The following GRIN2A variants were observed in gnomAD, a reference collection of about 807,000 sequenced individuals.
GRIN2A encodes glutamate receptor ionotropic, NMDA 2A.
A neutral mutation model predicts 113.4 loss-of-function variants in GRIN2A; 22 were observed. The observed-to-expected ratio is 0.19, with a 90% CI of 0.14 to 0.28. The LOEUF is 0.28. GRIN2A is among the 10% of genes least tolerant of loss of function. GRIN2A has a pLI of 1.00. For synonymous variants in GRIN2A, 827 were observed against 738.4 expected (o/e 1.12, Z -1.94); for missense variants, 1,502 against 1,887.0 (o/e 0.80, Z 3.78).
intron 2 of GRIN2A, among the ~76,000 whole-genome samples, chr16:9,944,269 A>C (rs576873322): frequency 6.6e-6 from 1 of 152,190 alleles, no homozygotes; most frequent in Admixed American, 6.5e-5. Context: ...GAGCATTTCA[A>C]CATATTTTAT....
In GRIN2A at chr16:9,865,560, C is replaced by T. The variant is rs546503638; in HGVS notation, c.1123-15599G>A. ...CACATCAAAACCTTTCAAACTCACA[C>T]AAATTATAGCCAAAAGCAGAATCTC... On this transcript the variant is annotated intron_variant, in intron 4 of 12. Coordinates refer to ENST00000330684, the MANE Select transcript of GRIN2A (RefSeq NM_001134407.3). 4.6e-5 allele frequency among the ~76,000 whole-genome samples: 7 copies of T among 152,324 alleles called. No homozygotes were observed. The South Asian group carries it at 1.4e-3, about 32-fold the overall frequency.
intron 10 of GRIN2A, among the ~76,000 whole-genome samples, chr16:9,814,801 C>T (rs1382126843): frequency 6.6e-6 from 1 of 152,132 alleles, no homozygotes; most frequent in Non-Finnish European, 1.5e-5. Flanking sequence ...AGGTGGATCA[C>T]CTGATGTCGG....
At chr16:9,934,451 C>T (rs768970240) in intron 3 of GRIN2A, among the ~76,000 whole-genome samples, 3 of 151,910 alleles carry the variant, frequency 2.0e-5, no homozygotes, top group South Asian at 4.2e-4. Context: ...GAGGCCAAGG[C>T]GGGTGGATCA....
intron 2 of GRIN2A, among the ~76,000 whole-genome samples, chr16:10,129,598 A>C (rs2197778): frequency 0.87 from 132,872 of 152,090 alleles, 58,274 homozygotes; most frequent in East Asian, 1. Flanking sequence ...CGGAACAACA[A>C]GTGCAAAGGT....
At chr16:9,944,262 C>A (rs1295880861) in intron 2 of GRIN2A, among the ~76,000 whole-genome samples, 1 of 152,182 alleles carries the variant, frequency 6.6e-6, no homozygotes, top group African/African-American at 2.4e-5. Flanking sequence ...ATCAACTGAG[C>A]ATTTCAACAT....
At chr16:10,148,467 G>A (rs749697463) in intron 2 of GRIN2A, among the ~76,000 whole-genome samples, 2 of 152,076 alleles carry the variant, frequency 1.3e-5, no homozygotes, top group African/African-American at 4.8e-5. Context: ...TCTAAATGCC[G>A]ACAGCTGCAC....
chr16:10,131,914 T>G (rs2049072091), intron 2 of GRIN2A, among the ~76,000 whole-genome samples: 1 of 152,226 alleles, frequency 6.6e-6, no homozygotes, highest in Non-Finnish European at 1.5e-5. Context: ...ATTTTACTTA[T>G]GAGCGCTTAT....
chr16:10,005,302 G>T (rs1294190541), intron 2 of GRIN2A, among the ~76,000 whole-genome samples: 1 of 152,190 alleles, frequency 6.6e-6, no homozygotes, highest in Non-Finnish European at 1.5e-5. Flanking sequence ...ACCCTTAAAA[G>T]TTGATTTCTC....
At chr16:9,973,449 A>G (rs2045713559) in intron 2 of GRIN2A, among the ~76,000 whole-genome samples, 1 of 152,186 alleles carries the variant, frequency 6.6e-6, no homozygotes, top group Non-Finnish European at 1.5e-5. Flanking sequence ...TCTCAGTTAT[A>G]ATTTTTGCAA....
intron 2 of GRIN2A, among the ~76,000 whole-genome samples, chr16:10,049,632 G>A (rs1283586919): frequency 6.6e-6 from 1 of 152,150 alleles, no homozygotes; most frequent in Non-Finnish European, 1.5e-5. Flanking sequence ...ACCCGCCTTG[G>A]CCTCCCAAAG....
chr16:10,123,307 C>T (rs189233346), intron 2 of GRIN2A, among the ~76,000 whole-genome samples: 1 of 152,308 alleles, frequency 6.6e-6, no homozygotes, highest in African/African-American at 2.4e-5. Context: ...AATACTATGT[C>T]AACAACATCC....
At chr16:10,021,374 A>T (rs2046717901) in intron 2 of GRIN2A, among the ~76,000 whole-genome samples, 1 of 152,198 alleles carries the variant, frequency 6.6e-6, no homozygotes, top group African/African-American at 2.4e-5. Flanking sequence ...AGCAGAGGAA[A>T]ATGACGCCCA....
chr16:10,177,726 ACTTT>A (rs2050177447), intron 2 of GRIN2A, among the ~76,000 whole-genome samples: 1 of 152,110 alleles, frequency 6.6e-6, no homozygotes, highest in Non-Finnish European at 1.5e-5. Flanking sequence ...ACTTCTCAAA[ACTTT>A]CTTTCTAATG....
intron 10 of GRIN2A, among the ~76,000 whole-genome samples, chr16:9,807,460 A>C (rs2042005920): frequency 6.6e-6 from 1 of 151,744 alleles, no homozygotes; most frequent in Non-Finnish European, 1.5e-5. Context: ...AGAGAGAAAG[A>C]GAAAGAATAC....
chr16:10,114,916 T>C lies in GRIN2A; in HGVS notation c.414+65082A>G, dbSNP rs540399589. On this transcript the variant is annotated intron_variant, in intron 2 of 12. Coordinates refer to ENST00000330684, the MANE Select transcript of GRIN2A (RefSeq NM_001134407.3). Reference sequence around the variant, plus strand: ...CTATGTAAAACTAAGGTTATTTCACTTAAAATTCCAATTTTCAGTTTCTTC... The same window carrying C: ...CTATGTAAAACTAAGGTTATTTCACCTAAAATTCCAATTTTCAGTTTCTTC... 5.8e-4 allele frequency among the ~76,000 whole-genome samples: 88 copies of C among 152,372 alleles called. 1 individual carries two copies. The highest frequency in any genetic ancestry group is 3.4e-3 in the Middle Eastern group (1 of 294).
chr16:10,107,568 G>C (rs188986656), intron 2 of GRIN2A, among the ~76,000 whole-genome samples: 80 of 152,308 alleles, frequency 5.3e-4, no homozygotes, highest in African/African-American at 1.6e-3. Flanking sequence ...TCTGGAATTT[G>C]CAGACCAGGG....
chr16:9,961,393 T>G (rs1180762078), intron 2 of GRIN2A, among the ~76,000 whole-genome samples: 1 of 152,136 alleles, frequency 6.6e-6, no homozygotes, highest in African/African-American at 2.4e-5. Flanking sequence ...TCCTAACGAA[T>G]GAACCACAAA....
intron 4 of GRIN2A, among the ~76,000 whole-genome samples, chr16:9,863,000 A>C (rs2043096852): frequency 2.0e-5 from 3 of 152,156 alleles, no homozygotes; most frequent in Admixed American, 2.0e-4. Flanking sequence ...TCCTCTGATA[A>C]AAACGCCATT....
At chr16:9,983,367 T>C (rs2045925670) in intron 2 of GRIN2A, among the ~76,000 whole-genome samples, 1 of 152,168 alleles carries the variant, frequency 6.6e-6, no homozygotes, top group African/African-American at 2.4e-5. Flanking sequence ...TTTTTGTGCC[T>C]GGCTTATTTC....
Sources: gnomAD v4.1 joint callset for allele counts (sites outside exome capture counted in the v4.1 genomes callset) on GRCh38, gnomAD v4.1.1 for gene constraint, MANE v1.5 for transcripts, NCBI Gene and HGNC (gene_info 2026-07-23, HGNC 2026-07-21) for gene names.